The following SH3RF3 variants were observed in gnomAD, a reference collection of about 807,000 sequenced individuals.
SH3RF3 encodes E3 ubiquitin-protein ligase SH3RF3.
A neutral mutation model predicts 66.3 loss-of-function variants in SH3RF3; 29 were observed. The observed-to-expected ratio is 0.44, with a 90% CI of 0.33 to 0.60. SH3RF3 has a LOEUF of 0.60. SH3RF3 is among the 20% of genes least tolerant of loss of function. The probability of loss-of-function intolerance (pLI) is 0.04; values close to 1 mark genes in which losing one functional copy is unlikely to be tolerated. For missense variants in SH3RF3, 1,194 were observed against 1,190.9 expected, an observed-to-expected ratio of 1.00 and a Z score of -0.04; for synonymous variants, 583 against 532.0, an observed-to-expected ratio of 1.10 and a Z score of -1.32.
intron 3 of SH3RF3, among the ~76,000 whole-genome samples, chr2:109,397,064 G>T (rs1213188168): frequency 6.6e-6 from 1 of 152,154 alleles, no homozygotes; most frequent in African/African-American, 2.4e-5. Context: ...TGCCTCTGTG[G>T]TGCCCTACAG....
intron 7 of SH3RF3, among the ~76,000 whole-genome samples, chr2:109,441,748 C>T (rs1252376218): frequency 6.6e-6 from 1 of 151,826 alleles, no homozygotes; most frequent in East Asian, 1.9e-4. Flanking sequence ...CAAGGCAAAT[C>T]ACAATCAAAC....
Position 109,372,107 on chromosome 2 carries a change from C to T in SH3RF3, c.945+426C>T, listed in dbSNP as rs116824372. 7.4e-3 allele frequency among the ~76,000 whole-genome samples: 1,131 copies of T among 152,310 alleles called. 15 individuals carry two copies. The highest frequency in any genetic ancestry group is 0.026 in the African/African-American group (1,082 of 41,562). Reference sequence around the variant, plus strand: ...CCACTGCACACGGATTGGAAGGAACCGTTGCTGGCCATCTGCAAAGTCCTC... The same window carrying T: ...CCACTGCACACGGATTGGAAGGAACTGTTGCTGGCCATCTGCAAAGTCCTC... On this transcript the variant is annotated intron_variant, in intron 3 of 9. Coordinates refer to ENST00000309415, the MANE Select transcript of SH3RF3 (RefSeq NM_001099289.3).
intron 1 of SH3RF3, among the ~76,000 whole-genome samples, chr2:109,303,618 A>G (rs1438748076): frequency 3.9e-5 from 6 of 152,240 alleles, no homozygotes; most frequent in Non-Finnish European, 7.3e-5. Flanking sequence ...CTGGCGAGAC[A>G]AAGTCAGGGA....
rs181518485 is a variant in SH3RF3, at chr2:109,188,758, C to G, written c.573+58645C>G. Among the ~76,000 whole-genome samples, 1,002 of 152,264 alleles carry G rather than the reference C, an allele frequency of 6.6e-3. 6 individuals are homozygous for G. The highest frequency in any genetic ancestry group is 0.01 in the Non-Finnish European group (697 of 68,022). ...GCTTTGAGACTCTGAGAGACACCAT[C>G]GCAGAAGCCAAGCGTTACACTTTGG... is the stretch of plus-strand genomic sequence containing the variant. On this transcript the variant is annotated intron_variant, in intron 1 of 9. Transcript: ENST00000309415.
intron 1 of SH3RF3, among the ~76,000 whole-genome samples, chr2:109,202,494 G>T (rs1268026202): frequency 6.6e-6 from 1 of 152,198 alleles, no homozygotes; most frequent in Middle Eastern, 3.2e-3. Flanking sequence ...GCGCGTTCTT[G>T]TTCCTCACAT....
chr2:109,307,435 T>TAA (rs1553502429), intron 1 of SH3RF3, among the ~76,000 whole-genome samples: 5 of 150,356 alleles, frequency 3.3e-5, no homozygotes, highest in African/African-American at 4.9e-5. Context: ...TTTTTTTTAT[T>TAA]ATTATACTTT....
chr2:109,356,091 A>G (rs969776873), intron 2 of SH3RF3, among the ~76,000 whole-genome samples: 3 of 152,172 alleles, frequency 2.0e-5, no homozygotes, highest in Non-Finnish European at 4.4e-5. Context: ...TGGAGGTTGT[A>G]ATTATTGTGG....
intron 1 of SH3RF3, among the ~76,000 whole-genome samples, chr2:109,262,002 G>C (rs1312454786): frequency 2.0e-5 from 3 of 152,106 alleles, no homozygotes; most frequent in Admixed American, 2.0e-4. Context: ...ATAAAACCAG[G>C]TCCCCTAAGA....
At chr2:109,256,131 G>A (rs922212659) in intron 1 of SH3RF3, among the ~76,000 whole-genome samples, 6 of 152,184 alleles carry the variant, frequency 3.9e-5, no homozygotes, top group Non-Finnish European at 5.9e-5. Flanking sequence ...GGCCAGGCCC[G>A]TGCTTCTGGC....
At chr2:109,257,696 G>A (rs10175767) in intron 1 of SH3RF3, among the ~76,000 whole-genome samples, 5,863 of 152,204 alleles carry the variant, frequency 0.039, 372 homozygotes, top group African/African-American at 0.13. Flanking sequence ...TTCATTACCT[G>A]TTTCCTGAAG....
In SH3RF3 at chr2:109,484,214, T is replaced by C. The variant is rs186355146; in HGVS notation, c.2149-6391T>C. Among the ~76,000 whole-genome samples the C allele has an allele frequency of 3.0e-4, 46 of 152,108 alleles. 2 individuals are homozygous for C. The East Asian group carries it at 8.3e-3, about 28-fold the overall frequency. On this transcript the variant is annotated intron_variant, in intron 8 of 9. Transcript: ENST00000309415. Reference sequence around the variant, plus strand: ...CCCAAGTAGCTGGGATTACAGGCGCTTGCCACCACGCTCAGCTAATTCTCA... The same window carrying C: ...CCCAAGTAGCTGGGATTACAGGCGCCTGCCACCACGCTCAGCTAATTCTCA...
At chr2:109,204,075 C>A (rs751776692) in intron 1 of SH3RF3, among the ~76,000 whole-genome samples, 4 of 152,194 alleles carry the variant, frequency 2.6e-5, no homozygotes, top group Non-Finnish European at 5.9e-5. Context: ...ATTTGCACCT[C>A]CTGCCCACTG....
At chr2:109,359,604 T>G (rs1683014654) in intron 2 of SH3RF3, among the ~76,000 whole-genome samples, 1 of 152,216 alleles carries the variant, frequency 6.6e-6, no homozygotes, top group Non-Finnish European at 1.5e-5. Flanking sequence ...TGTCCATTCC[T>G]GGTACAGGTT....
intron 1 of SH3RF3, among the ~76,000 whole-genome samples, chr2:109,250,805 T>G (rs1680071122): frequency 6.6e-6 from 1 of 152,048 alleles, no homozygotes; most frequent in Non-Finnish European, 1.5e-5. Context: ...AATTAGGATT[T>G]TCAGAATTTT....
intron 1 of SH3RF3, among the ~76,000 whole-genome samples, chr2:109,334,172 A>G (rs542787612): frequency 7.2e-4 from 110 of 152,250 alleles, no homozygotes; most frequent in African/African-American, 2.5e-3. Context: ...GGGCTGTAAC[A>G]TGGTGAGACC....
At chr2:109,369,798 G>A (rs775602881) in intron 2 of SH3RF3, among the ~76,000 whole-genome samples, 3 of 152,120 alleles carry the variant, frequency 2.0e-5, no homozygotes, top group Non-Finnish European at 4.4e-5. Flanking sequence ...GGCCCCCTCC[G>A]CTCCCGGTGA....
intron 1 of SH3RF3, among the ~76,000 whole-genome samples, chr2:109,331,269 G>T (rs1302580185): frequency 6.6e-6 from 1 of 152,090 alleles, no homozygotes; most frequent in African/African-American, 2.4e-5. Context: ...GCAGGGCTGG[G>T]TGCCAGAGCA....
At chr2:109,170,869 T>C (rs1386404133) in intron 1 of SH3RF3, among the ~76,000 whole-genome samples, 6 of 152,280 alleles carry the variant, frequency 3.9e-5, no homozygotes, top group Non-Finnish European at 8.8e-5. Context: ...TAAGCTACCT[T>C]GCGTCACCTT....
chr2:109,414,308 C>G (rs559823633), intron 4 of SH3RF3, among the ~76,000 whole-genome samples: 2 of 152,346 alleles, frequency 1.3e-5, no homozygotes, highest in African/African-American at 4.8e-5. Context: ...CTCCAGCTGT[C>G]TAGACCATGC....
Sources: gnomAD v4.1 joint callset for allele counts (sites outside exome capture counted in the v4.1 genomes callset) on GRCh38, gnomAD v4.1.1 for gene constraint, MANE v1.5 for transcripts, NCBI Gene and HGNC (gene_info 2026-07-23, HGNC 2026-07-21) for gene names.